KCNG2: variants seen among roughly 807,000 people sequenced by gnomAD.
KCNG2 encodes the protein voltage-gated potassium channel regulatory subunit KCNG2.
A neutral mutation model predicts 12.3 loss-of-function variants in KCNG2; 7 were observed. The observed-to-expected ratio is 0.57, with a 90% confidence interval of 0.32 to 1.07. The LOEUF (loss-of-function observed/expected upper bound fraction) is 1.07, where lower values mean the gene tolerates loss of function less well. Ranked by LOEUF, KCNG2 falls within the 50% of genes least tolerant of loss-of-function variation. The pLI, the probability that KCNG2 is intolerant of heterozygous loss-of-function variation, is 0.04. For missense variants in KCNG2, 703 were observed against 726.0 expected, an observed-to-expected ratio of 0.97 and a Z score of 0.36; for synonymous variants, 414 against 351.4, an observed-to-expected ratio of 1.18 and a Z score of -1.99.
intron 3 of KCNG2, among the ~76,000 whole-genome samples, chr18:79,869,969 AGTGGGAGTTGCCACCC>A (rs907343501): frequency 4.1e-4 from 62 of 152,194 alleles, no homozygotes; most frequent in African/African-American, 1.4e-3. Flanking sequence ...TCAGAGCTGG[AGTGGGAGTTGCCACCC>A]GTTCCCAGCT....
chr18:79,891,242 T>G (rs1027768085), intron 3 of KCNG2, among the ~76,000 whole-genome samples: 2 of 152,204 alleles, frequency 1.3e-5, no homozygotes, highest in Non-Finnish European at 2.9e-5. Flanking sequence ...TTTTTTATTT[T>G]TTTTTCAAGA....
intron 1 of KCNG2, among the ~76,000 whole-genome samples, chr18:79,826,195 AG>A (rs11298371): frequency 0.076 from 11,507 of 152,292 alleles, 697 homozygotes; most frequent in African/African-American, 0.16. Flanking sequence ...CTGTGATCTG[AG>A]GCGCGAGGCC....
chr18:79,894,802 C>T (rs1980897632), intron 3 of KCNG2, among the ~76,000 whole-genome samples: 1 of 148,382 alleles, frequency 6.7e-6, no homozygotes, highest in South Asian at 2.2e-4. Flanking sequence ...ACTCCATTCA[C>T]ATCTAATGTT....
chr18:79,866,768 A>G, intron 3 of KCNG2, among the ~76,000 whole-genome samples: 1 of 14,634 alleles, frequency 6.8e-5, no homozygotes, highest in African/African-American at 1.0e-4. Flanking sequence ...CTGTGTTCTG[A>G]GAGGTCTGTA....
At chr18:79,816,102 A>G (rs1443872927) in intron 1 of KCNG2, 1 of 152,248 alleles carries the variant, frequency 6.6e-6, no homozygotes, top group Non-Finnish European at 1.5e-5. Flanking sequence ...ACTCGTTTAG[A>G]CAAACTGATG....
At chr18:79,804,393 A>C (rs1186571608) in intron 1 of KCNG2, among the ~76,000 whole-genome samples, 1 of 152,212 alleles carries the variant, frequency 6.6e-6, no homozygotes, top group African/African-American at 2.4e-5. Context: ...GGGGGGACTC[A>C]GCACCCAGGC....
chr18:79,810,636 G>A (rs1568242223), intron 1 of KCNG2, among the ~76,000 whole-genome samples: 1 of 152,132 alleles, frequency 6.6e-6, no homozygotes, highest in Non-Finnish European at 1.5e-5. Flanking sequence ...TGCTGGCACA[G>A]GCCTGTAGTT....
chr18:79,852,325 G>T (rs1411580817), intron 1 of KCNG2, among the ~76,000 whole-genome samples: 2 of 152,230 alleles, frequency 1.3e-5, no homozygotes, highest in Non-Finnish European at 2.9e-5. Flanking sequence ...CGCAAACGAT[G>T]CCTGCTCTGA....
intron 2 of KCNG2, among the ~76,000 whole-genome samples, chr18:79,859,957 G>A (rs754862429): frequency 4.1e-4 from 62 of 152,162 alleles, no homozygotes; most frequent in Non-Finnish European, 8.1e-4. Flanking sequence ...AATTTATAAA[G>A]AAAAGAGGTT....
chr18:79,809,644 C>G (rs567001973), intron 1 of KCNG2, among the ~76,000 whole-genome samples: 2 of 152,092 alleles, frequency 1.3e-5, no homozygotes, highest in Non-Finnish European at 1.5e-5. Context: ...CTGCCGGGGC[C>G]TCACTGACCA....
At chr18:79,876,649 G>A (rs548356711) in intron 3 of KCNG2, among the ~76,000 whole-genome samples, 1 of 152,240 alleles carries the variant, frequency 6.6e-6, no homozygotes, top group Non-Finnish European at 1.5e-5. Flanking sequence ...GGTGCCCTGA[G>A]GGCAGGGCCA....
At position 79,832,045 on chromosome 18, in the gene KCNG2, C is replaced by T. The variant is rs536920200; in HGVS notation, c.-114-24334C>T. ...AAGTTTCTCCATAGCTAGGCACCCC[C>T]GGGCAGAGCAGGTGTCTGTGGCTTC... On this transcript the variant is annotated intron_variant, in intron 1 of 3. Coordinates refer to ENST00000316249, the MANE Select transcript of KCNG2 (RefSeq NM_012283.2). 4.6e-5 allele frequency among the ~76,000 whole-genome samples: 7 copies of T among 152,290 alleles called. No homozygotes were observed. The East Asian group carries it at 7.7e-4, about 17-fold the overall frequency.
chr18:79,858,156 G>A (rs999874712), intron 2 of KCNG2, among the ~76,000 whole-genome samples: 1 of 152,052 alleles, frequency 6.6e-6, no homozygotes, highest in Non-Finnish European at 1.5e-5. Flanking sequence ...GCCCGCCACT[G>A]CACCCAGCTA....
In KCNG2 at chr18:79,899,876, G is replaced by A. The variant is rs918785869; in HGVS notation, c.*60G>A. 10 of 1,282,970 alleles carry A rather than the reference G, an allele frequency of 7.8e-6. No individual in the cohort carries two copies. The South Asian group carries it at 1.4e-4, about 18-fold the overall frequency. The allele number at this position is 1,282,970 out of a possible 1,614,324, so 79.5% of individuals were successfully genotyped here. The stretch of plus-strand genomic sequence containing the variant: ...CTCCAGCTGCAGCGTCGGGACCCCC[G>A]AGGTGCGCCAAGGGGTGGGGGGCGT... On this transcript the variant is annotated 3_prime_UTR_variant, in exon 4 of 4. Transcript: ENST00000316249.
At position 79,899,461 on chromosome 18, in the gene KCNG2, C is replaced by T. The variant is rs1353863312; in HGVS notation, c.1046C>T (p.Ala349Val). The T allele has an allele frequency of 1.2e-6, 2 of 1,603,294 alleles. No individual in the cohort carries two copies. Among genetic ancestry groups the T allele is most frequent in the East Asian group, 2.3e-5 (1 of 44,376 alleles). Residue 349 changes from alanine to valine, a missense_variant, in exon 4 of 4, where the codon GCG becomes GTG. Transcript: ENST00000316249. ...LVHLAERELGARRDFSSVPAS... is the reference protein window; with the variant it reads ...LVHLAERELGVRRDFSSVPAS... ...CACCTGGCCGAGCGCGAGCTGGGCG[C>T]GCGCCGCGACTTCTCCAGCGTGCCC...
At chr18:79,807,284 C>T (rs565559359) in intron 1 of KCNG2, among the ~76,000 whole-genome samples, 43 of 152,238 alleles carry the variant, frequency 2.8e-4, no homozygotes, top group Non-Finnish European at 5.1e-4. Context: ...GGAGATGCAC[C>T]GTCTGAGCCT....
At position 79,884,217 on chromosome 18, in the gene KCNG2, T is replaced by G. The variant is rs1980431091; in HGVS notation, c.625-14823T>G. On this transcript the variant is annotated intron_variant, in intron 3 of 3. Coordinates refer to ENST00000316249, the MANE Select transcript of KCNG2 (RefSeq NM_012283.2). The surrounding 1 kb of genome is among the most constrained non-coding windows in gnomAD (Gnocchi z 5.5). The stretch of plus-strand genomic sequence containing the variant: ...TGCAGGGGCTCCGTCCCCATGCCCC[T>G]CCCCATGCCCCATGTCCCTGTTCTC... 1.4e-5 allele frequency among the ~76,000 whole-genome samples: 2 copies of G among 141,630 alleles called. No individual in the cohort carries two copies. Among genetic ancestry groups the G allele is most frequent in the African/African-American group, 5.3e-5 (2 of 37,956 alleles). 92.9% of individuals were successfully genotyped at this position (141,630 alleles called of 152,430 possible). A position where few individuals can be genotyped will look rare whatever the true frequency, so the allele number is the denominator to read the frequency against.
rs951553744 is a variant in KCNG2 at position 79,899,992 on chromosome 18, G to A, written c.*176G>A. 2.3e-5 allele frequency: 11 copies of A among 473,230 alleles called. No individual in the cohort carries two copies. In the Admixed American group the frequency reaches 4.6e-4, roughly 20 times the overall value. The allele number at this position is 473,230 out of a possible 1,614,324, so 29.3% of individuals were successfully genotyped here. A position where few individuals can be genotyped will look rare whatever the true frequency, so the allele number is the denominator to read the frequency against. On this transcript the variant is annotated 3_prime_UTR_variant, in exon 4 of 4. Transcript: ENST00000316249. ...TTGGCGGGGCCCTGCCTGACTCCCCGTGGCAGCGCTGGGCAAAGTCACTGG... is the reference window on the plus strand; with the variant it reads ...TTGGCGGGGCCCTGCCTGACTCCCCATGGCAGCGCTGGGCAAAGTCACTGG...
chr18:79,888,438 G>A (rs1429862175), intron 3 of KCNG2, among the ~76,000 whole-genome samples: 5 of 133,158 alleles, frequency 3.8e-5, no homozygotes, highest in African/African-American at 1.3e-4. Context: ...GGTGGGGCCG[G>A]GACGGCGGCG....
Sources: gnomAD v4.1 joint callset for allele counts (sites outside exome capture counted in the v4.1 genomes callset) on GRCh38, gnomAD v4.1.1 for gene constraint, Gnocchi (gnomAD v3.1) non-coding constraint, MANE v1.5 for transcripts, NCBI Gene and HGNC (gene_info 2026-07-23, HGNC 2026-07-21) for gene names.